IGSF21: variants seen among roughly 807,000 people sequenced by gnomAD.
The protein encoded by IGSF21 is immunoglobin superfamily member 21, also known as immunoglobulin superfamily member 21.
In IGSF21, 28 loss-of-function variants were observed where a neutral mutation model predicts 46.8. The ratio of observed to expected loss-of-function variants is 0.60; its 90% CI spans 0.44 to 0.82. The LOEUF is 0.82. IGSF21 is among the 40% of genes least tolerant of loss of function. The pLI is 0.00. For synonymous variants in IGSF21, 284 were observed against 273.6 expected, an observed-to-expected ratio of 1.04 and a Z score of -0.38; for missense variants, 624 against 665.5, an observed-to-expected ratio of 0.94 and a Z score of 0.69.
At chr1:18,214,757 A>T (rs1395892153) in intron 1 of IGSF21, among the ~76,000 whole-genome samples, 1 of 152,056 alleles carries the variant, frequency 6.6e-6, no homozygotes, top group African/African-American at 2.4e-5. Context: ...GTTTTTTGAG[A>T]CGGAGTCTTG....
chr1:18,347,272 C>T (rs1234027128), intron 4 of IGSF21, among the ~76,000 whole-genome samples: 1 of 152,180 alleles, frequency 6.6e-6, no homozygotes, highest in Non-Finnish European at 1.5e-5. Context: ...CTCTAATCCC[C>T]CTACAGCCTG....
At chr1:18,216,118 G>C (rs1450208672) in intron 1 of IGSF21, among the ~76,000 whole-genome samples, 1 of 152,180 alleles carries the variant, frequency 6.6e-6, no homozygotes, top group East Asian at 1.9e-4. Context: ...AGGAGAGGGT[G>C]TATCAGACTC....
At chr1:18,336,422 A>C (rs997209752) in intron 4 of IGSF21, among the ~76,000 whole-genome samples, 2 of 152,182 alleles carry the variant, frequency 1.3e-5, no homozygotes, top group African/African-American at 4.8e-5. Flanking sequence ...CATTAAGTCC[A>C]TTTTGCAGAT....
chr1:18,240,451 G>T (rs1466501909), intron 2 of IGSF21, among the ~76,000 whole-genome samples: 1 of 152,224 alleles, frequency 6.6e-6, no homozygotes, highest in Admixed American at 6.5e-5. Flanking sequence ...GTGTCTGCTT[G>T]CTGAGAGCTC....
At chr1:18,286,692 C>G (rs2085215119) in intron 2 of IGSF21, among the ~76,000 whole-genome samples, 1 of 152,200 alleles carries the variant, frequency 6.6e-6, no homozygotes, top group Non-Finnish European at 1.5e-5. Flanking sequence ...GGTCCAGGCA[C>G]AGCAGGCTGT....
chr1:18,265,851 G>A (rs2084984872), intron 2 of IGSF21, among the ~76,000 whole-genome samples: 1 of 152,248 alleles, frequency 6.6e-6, no homozygotes, highest in Admixed American at 6.5e-5. Context: ...GAGCGGGCAA[G>A]GTGCAGCCAA....
chr1:18,128,944 T>C (rs2086295857), intron 1 of IGSF21, among the ~76,000 whole-genome samples: 1 of 151,952 alleles, frequency 6.6e-6, no homozygotes, highest in Admixed American at 6.6e-5. Flanking sequence ...GTGGGCTGAG[T>C]GGCCTGGAGC....
At chr1:18,367,440 G>A (rs1237041787) in intron 6 of IGSF21, among the ~76,000 whole-genome samples, 1 of 152,030 alleles carries the variant, frequency 6.6e-6, no homozygotes, top group Non-Finnish European at 1.5e-5. Context: ...AACTTTGTAT[G>A]TAGCGGCGTT....
rs540719862 is a variant in IGSF21 at position 18,108,141 on chromosome 1, C to A, written c.13C>A (p.Pro5Thr). 733 of 1,439,758 alleles carry A rather than the reference C, an allele frequency of 5.1e-4. 5 individuals are homozygous for A. In the African/African-American group the frequency reaches 9.7e-3, roughly 19 times the overall value. 89.2% of individuals were successfully genotyped at this position (1,439,758 alleles called of 1,614,324 possible). A position where few individuals can be genotyped will look rare whatever the true frequency, so the allele number is the denominator to read the frequency against. ...GCTCCCGGGCACCATGCGAACCGCC[C>A]CGAGCCTCCGCCGCTGCGTCTGCCT... MRTA[P>T]SLRRCVCLLL... Residue 5 changes from proline to threonine, a missense_variant, in exon 1 of 10, where the codon CCG becomes ACG. Coordinates refer to ENST00000251296, the MANE Select transcript of IGSF21 (RefSeq NM_032880.5).
chr1:18,359,383 AAAGGAAGGAAGGAAGGAAGG>A (rs1202935647), intron 4 of IGSF21, among the ~76,000 whole-genome samples: 94 of 61,074 alleles, frequency 1.5e-3, no homozygotes, highest in African/African-American at 3.3e-3. Flanking sequence ...AGAAAGAAAG[AAAGGAAGGAAGGAAGGAAGG>A]AAGGAAGGAA....
chr1:18,337,577 C>T lies in IGSF21; in HGVS notation c.424+2567C>T, dbSNP rs1043152631. 1.3e-5 allele frequency among the ~76,000 whole-genome samples: 2 copies of T among 152,104 alleles called. No homozygotes were observed. The highest frequency in any genetic ancestry group is 2.1e-4 in the South Asian group (1 of 4,824). ...TGACTGCTCTGGGAACACAGCTTCA[C>T]GCACCGTGGCAACCTGGAAGCCAGG... On this transcript the variant is annotated intron_variant, in intron 4 of 9. Transcript: ENST00000251296. The surrounding 1 kb of genome is among the most constrained non-coding windows in gnomAD (Gnocchi z 5.7).
chr1:18,162,394 C>T (rs1181348891), intron 1 of IGSF21, among the ~76,000 whole-genome samples: 2 of 152,160 alleles, frequency 1.3e-5, no homozygotes, highest in South Asian at 2.1e-4. Context: ...AAGCAATAGC[C>T]ATTTGGTAGA....
intron 4 of IGSF21, among the ~76,000 whole-genome samples, chr1:18,345,819 T>G (rs2085887310): frequency 6.6e-6 from 1 of 152,078 alleles, no homozygotes; most frequent in South Asian, 2.1e-4. Context: ...AACTGAGGGG[T>G]TATAAAATGT....
chr1:18,140,440 G>A (rs538630942), intron 1 of IGSF21, among the ~76,000 whole-genome samples: 2 of 152,248 alleles, frequency 1.3e-5, no homozygotes, highest in Admixed American at 1.3e-4. Flanking sequence ...TCTGCATCTC[G>A]GGGAGCCCAA....
At chr1:18,257,672 G>A (rs2084904787) in intron 2 of IGSF21, among the ~76,000 whole-genome samples, 1 of 152,120 alleles carries the variant, frequency 6.6e-6, no homozygotes, top group South Asian at 2.1e-4. Context: ...GAAAGGCTTG[G>A]GTACAGTGAA....
intron 6 of IGSF21, among the ~76,000 whole-genome samples, chr1:18,374,270 T>A (rs1331957262): frequency 6.6e-6 from 1 of 152,200 alleles, no homozygotes; most frequent in East Asian, 1.9e-4. Flanking sequence ...CATTTCCTTA[T>A]GGCGACAATC....
chr1:18,140,200 G>A (rs1237986859), intron 1 of IGSF21, among the ~76,000 whole-genome samples: 3 of 152,112 alleles, frequency 2.0e-5, no homozygotes, highest in Admixed American at 2.0e-4. Flanking sequence ...CTCTCCACTC[G>A]GCATCCCAGA....
At chr1:18,140,980 G>A (rs1446856792) in intron 1 of IGSF21, among the ~76,000 whole-genome samples, 1 of 152,198 alleles carries the variant, frequency 6.6e-6, no homozygotes, top group Non-Finnish European at 1.5e-5. Flanking sequence ...CTGCACACAG[G>A]AACCCAGCAA....
chr1:18,221,298 T>C (rs2084508001), intron 1 of IGSF21, among the ~76,000 whole-genome samples: 1 of 152,164 alleles, frequency 6.6e-6, no homozygotes, highest in Non-Finnish European at 1.5e-5. Context: ...TTTTAGGTGC[T>C]GAAAGTCTCT....
Sources: gnomAD v4.1 joint callset for allele counts (sites outside exome capture counted in the v4.1 genomes callset) on GRCh38, gnomAD v4.1.1 for gene constraint, Gnocchi (gnomAD v3.1) non-coding constraint, MANE v1.5 for transcripts, NCBI Gene and HGNC (gene_info 2026-07-23, HGNC 2026-07-21) for gene names.